The following STXBP6 variants were observed in gnomAD, a reference collection of about 807,000 sequenced individuals.
The protein encoded by STXBP6 is syntaxin binding protein 6.
Under a neutral mutation model 26.9 loss-of-function variants are expected in STXBP6, and 21 were observed. That is an observed-to-expected ratio of 0.78 (90% confidence interval 0.55 to 1.12). The LOEUF (loss-of-function observed/expected upper bound fraction) is 1.12, where lower values mean the gene tolerates loss of function less well. Among genes scored for constraint, STXBP6 ranks in the 50% most tolerant of loss-of-function variants. The pLI is 0.00. For missense variants in STXBP6, 232 were observed against 257.9 expected (o/e 0.90, Z 0.69); for synonymous variants, 97 against 92.6 (o/e 1.05, Z -0.27).
intron 1 of STXBP6, among the ~76,000 whole-genome samples, chr14:25,025,361 T>C (rs947282808): frequency 1.9e-4 from 29 of 152,034 alleles, no homozygotes; most frequent in Non-Finnish European, 3.5e-4. Flanking sequence ...GGCAGATTCT[T>C]GGTGGTGTCT....
At chr14:24,892,117 T>C (rs2070810086) in intron 2 of STXBP6, among the ~76,000 whole-genome samples, 1 of 152,202 alleles carries the variant, frequency 6.6e-6, no homozygotes, top group African/African-American at 2.4e-5. Context: ...TTAGGTTCTA[T>C]GGGGTAGTGT....
At chr14:24,938,438 T>C (rs571486456) in intron 2 of STXBP6, among the ~76,000 whole-genome samples, 1 of 152,264 alleles carries the variant, frequency 6.6e-6, no homozygotes, top group South Asian at 2.1e-4. Context: ...AAAAAAGTAA[T>C]ACTCCACTCC....
chr14:25,019,259 ACT>A (rs2075216410), intron 1 of STXBP6, among the ~76,000 whole-genome samples: 1 of 152,122 alleles, frequency 6.6e-6, no homozygotes, highest in Admixed American at 6.6e-5. Flanking sequence ...AAGTCTCAGG[ACT>A]CTCTAATATC....
intron 1 of STXBP6, among the ~76,000 whole-genome samples, chr14:25,047,724 T>G (rs554357391): frequency 3.9e-5 from 6 of 152,350 alleles, no homozygotes; most frequent in South Asian, 2.1e-4. Context: ...GGAGCCTGTG[T>G]GAACCCTTTT....
At chr14:24,858,678 C>T (rs2139199041) in intron 2 of STXBP6, among the ~76,000 whole-genome samples, 1 of 152,194 alleles carries the variant, frequency 6.6e-6, no homozygotes, top group East Asian at 1.9e-4. Flanking sequence ...TCTGTCTATC[C>T]ATTTAATTCG....
At chr14:25,002,359 C>CTTTTTTTTTTTTTTTCTTTTT (rs1365586543) in intron 1 of STXBP6, among the ~76,000 whole-genome samples, 7 of 121,362 alleles carry the variant, frequency 5.8e-5, no homozygotes, top group African/African-American at 2.0e-4. Context: ...ATTCTTATGA[C>CTTTTTTTTTTTTTTTCTTTTT]TTTTTTTTTT....
chr14:25,033,849 C>T (rs565641280), intron 1 of STXBP6, among the ~76,000 whole-genome samples: 122 of 152,266 alleles, frequency 8.0e-4, no homozygotes, highest in African/African-American at 2.8e-3. Flanking sequence ...CGGTTACACA[C>T]GTAGACTCTT....
At chr14:24,922,398 T>G (rs1595116382) in intron 2 of STXBP6, among the ~76,000 whole-genome samples, 3 of 152,296 alleles carry the variant, frequency 2.0e-5, no homozygotes, top group Admixed American at 2.0e-4. Context: ...ACACTGTAGC[T>G]GCTCTCACCT....
intron 1 of STXBP6, among the ~76,000 whole-genome samples, chr14:25,007,888 C>A (rs900466174): frequency 1.3e-5 from 2 of 152,174 alleles, no homozygotes; most frequent in African/African-American, 4.8e-5. Flanking sequence ...GTTCTACCAT[C>A]TTAAAGTCTC....
At chr14:24,824,529 T>C (rs1363813205) in intron 4 of STXBP6, among the ~76,000 whole-genome samples, 1 of 152,244 alleles carries the variant, frequency 6.6e-6, no homozygotes, top group African/African-American at 2.4e-5. Flanking sequence ...TCTGTGAATT[T>C]AGGCAATACC....
intron 2 of STXBP6, among the ~76,000 whole-genome samples, chr14:24,866,792 T>C (rs2069738492): frequency 6.6e-6 from 1 of 151,502 alleles, no homozygotes; most frequent in Non-Finnish European, 1.5e-5. Flanking sequence ...ACCATGGTAA[T>C]GGGTCAGAAG....
intron 4 of STXBP6, among the ~76,000 whole-genome samples, chr14:24,852,481 T>G (rs1295019678): frequency 6.6e-6 from 1 of 152,026 alleles, no homozygotes; most frequent in Non-Finnish European, 1.5e-5. Context: ...CCCTTTTCAT[T>G]ATTTTAGGTT....
chr14:24,962,961 TATA>T (rs1161025807), intron 2 of STXBP6, among the ~76,000 whole-genome samples: 5 of 152,104 alleles, frequency 3.3e-5, no homozygotes, highest in East Asian at 3.9e-4. Flanking sequence ...AAATTATCTT[TATA>T]ATAAGTGTAT....
intron 1 of STXBP6, among the ~76,000 whole-genome samples, chr14:24,975,756 G>T (rs2074029023): frequency 6.6e-6 from 1 of 152,044 alleles, no homozygotes. Context: ...TTCCCCAATG[G>T]TCTTAACTCT....
At position 24,812,613 on chromosome 14, in the gene STXBP6, A is replaced by G. The variant is rs1326989186; in HGVS notation, c.*96T>C. ...ACCACTCTAAGTGTCCAAATATTGG[A>G]AAAAAAGAAGCAAGCGGAGGTCCCG... On this transcript the variant is annotated 3_prime_UTR_variant, in exon 6 of 6. Coordinates refer to ENST00000323944, the MANE Select transcript of STXBP6 (RefSeq NM_001394410.1). 22 of 1,229,596 alleles carry G rather than the reference A, an allele frequency of 1.8e-5. No individual in the cohort carries two copies. The highest frequency in any genetic ancestry group is 3.7e-5 in the Admixed American group (2 of 54,316). The allele number at this position is 1,229,596 out of a possible 1,614,324, so 76.2% of individuals were successfully genotyped here. A position where few individuals can be genotyped will look rare whatever the true frequency, so the allele number is the denominator to read the frequency against.
intron 1 of STXBP6, among the ~76,000 whole-genome samples, chr14:25,006,470 C>G (rs1395459483): frequency 6.6e-6 from 1 of 152,062 alleles, no homozygotes; most frequent in African/African-American, 2.4e-5. Context: ...AACTTTTGGT[C>G]CCATATAGAT....
intron 2 of STXBP6, among the ~76,000 whole-genome samples, chr14:24,931,922 A>G (rs2072426844): frequency 6.6e-6 from 1 of 152,184 alleles, no homozygotes; most frequent in Non-Finnish European, 1.5e-5. Context: ...AAACAAATGC[A>G]AAAGTCCTAA....
chr14:24,828,232 C>G (rs2068347151), intron 4 of STXBP6, among the ~76,000 whole-genome samples: 1 of 151,968 alleles, frequency 6.6e-6, no homozygotes, highest in Admixed American at 6.6e-5. Context: ...ATGACAGGGA[C>G]AGTGCTAAAA....
chr14:24,857,411 GT>G (rs1439027008), intron 2 of STXBP6, among the ~76,000 whole-genome samples: 1 of 152,060 alleles, frequency 6.6e-6, no homozygotes, highest in Non-Finnish European at 1.5e-5. Flanking sequence ...TCATTTATGT[GT>G]TTATCCATTC....
Sources: gnomAD v4.1 joint callset for allele counts (sites outside exome capture counted in the v4.1 genomes callset) on GRCh38, gnomAD v4.1.1 for gene constraint, MANE v1.5 for transcripts, NCBI Gene and HGNC (gene_info 2026-07-23, HGNC 2026-07-21) for gene names.